Variants in PCLO observed in about 807,000 individuals in gnomAD.
PCLO encodes the protein protein piccolo.
Under a neutral mutation model 427.5 loss-of-function variants are expected in PCLO, and 82 were observed. The ratio of observed to expected loss-of-function variants is 0.19; its 90% CI spans 0.16 to 0.23. The LOEUF (loss-of-function observed/expected upper bound fraction) is 0.23, where lower values mean the gene tolerates loss of function less well. Ranked by LOEUF, PCLO falls within the 10% of genes least tolerant of loss-of-function variation. The probability of loss-of-function intolerance (pLI) is 1.00; values close to 1 mark genes in which losing one functional copy is unlikely to be tolerated. For synonymous variants in PCLO, 2,357 were observed against 2,155.4 expected (o/e 1.09, Z -2.59); for missense variants, 6,239 against 6,115.9 (o/e 1.02, Z -0.67).
At chr7:83,118,915 A>G (rs538511196) in intron 3 of PCLO, among the ~76,000 whole-genome samples, 1 of 152,124 alleles carries the variant, frequency 6.6e-6, no homozygotes, top group Non-Finnish European at 1.5e-5. Flanking sequence ...CTCTTTCCCA[A>G]CTCTAAGCAG....
intron 3 of PCLO, among the ~76,000 whole-genome samples, chr7:83,022,352 A>C (rs1290767355): frequency 1.3e-5 from 2 of 152,244 alleles, no homozygotes; most frequent in African/African-American, 4.8e-5. Flanking sequence ...GAACTAAAAC[A>C]GTATATAAAA....
intron 9 of PCLO, 76 bp from the exon 10 acceptor site, chr7:82,879,538 A>C (rs1793452298): frequency 8.9e-7 from 1 of 1,126,548 alleles, no homozygotes; most frequent in Non-Finnish European, 1.3e-6. Flanking sequence ...CAGAGAGCAC[A>C]AAAAGTAGGT....
intron 3 of PCLO, among the ~76,000 whole-genome samples, chr7:83,031,911 C>T (rs184395619): frequency 6.6e-6 from 1 of 152,206 alleles, no homozygotes; most frequent in Non-Finnish European, 1.5e-5. Flanking sequence ...TTTACTTAAA[C>T]CCTTTTCAGG....
intron 3 of PCLO, among the ~76,000 whole-genome samples, chr7:83,052,008 G>T (rs1035877200): frequency 3.9e-5 from 6 of 151,906 alleles, no homozygotes; most frequent in Admixed American, 3.9e-4. Context: ...TCTAGACTTA[G>T]ATCTTACACC....
chr7:82,825,425 G>A (rs1791910504), intron 18 of PCLO, among the ~76,000 whole-genome samples: 1 of 151,950 alleles, frequency 6.6e-6, no homozygotes, highest in East Asian at 1.9e-4. Context: ...GGAACTGGAA[G>A]GTAAGGGTCA....
intron 3 of PCLO, among the ~76,000 whole-genome samples, chr7:83,007,703 C>T (rs1787982958): frequency 6.6e-6 from 1 of 151,480 alleles, no homozygotes. Flanking sequence ...TAGAGTCAGA[C>T]TGCCTGGGTT....
chr7:82,858,586 TAAAC>T (rs992864710), intron 10 of PCLO, among the ~76,000 whole-genome samples: 6 of 152,102 alleles, frequency 3.9e-5, no homozygotes, highest in African/African-American at 1.4e-4. Context: ...TTATAATTAA[TAAAC>T]AAATTCAGTA....
chr7:83,035,190 T>C (rs1692133160), intron 3 of PCLO, among the ~76,000 whole-genome samples: 1 of 152,266 alleles, frequency 6.6e-6, no homozygotes, highest in Non-Finnish European at 1.5e-5. Flanking sequence ...TTCCTATAAA[T>C]TGGTTCCAAT....
At chr7:83,105,934 G>A (rs1249440977) in intron 3 of PCLO, among the ~76,000 whole-genome samples, 1 of 123,408 alleles carries the variant, frequency 8.1e-6, no homozygotes, top group Non-Finnish European at 1.7e-5. Flanking sequence ...CTGACAAATG[G>A]GCAAGAAAGG....
At chr7:83,095,186 G>A (rs990603981) in intron 3 of PCLO, among the ~76,000 whole-genome samples, 7 of 151,932 alleles carry the variant, frequency 4.6e-5, no homozygotes, top group African/African-American at 7.3e-5. Context: ...TGTGAATTAC[G>A]GGAGTTTGTG....
At chr7:82,989,831 T>C (rs1053029041) in intron 3 of PCLO, among the ~76,000 whole-genome samples, 2 of 152,156 alleles carry the variant, frequency 1.3e-5, no homozygotes, top group Non-Finnish European at 2.9e-5. Flanking sequence ...AGAGTTATAC[T>C]ATGGTCCAAA....
intron 2 of PCLO, among the ~76,000 whole-genome samples, chr7:83,146,012 C>T (rs10081314): frequency 0.75 from 113,577 of 152,016 alleles, 42,950 homozygotes; most frequent in East Asian, 0.99. Flanking sequence ...ATCTCTTTAC[C>T]CATCTTTAAA....
chr7:82,894,703 G>A (rs566232339), intron 9 of PCLO, among the ~76,000 whole-genome samples: 1 of 152,016 alleles, frequency 6.6e-6, no homozygotes, highest in Non-Finnish European at 1.5e-5. Context: ...TCCATCCCCA[G>A]CTAAGTTGTC....
intron 22 of PCLO, among the ~76,000 whole-genome samples, chr7:82,768,284 C>A (rs62466885): frequency 0.064 from 9,646 of 151,766 alleles, 710 homozygotes; most frequent in African/African-American, 0.18. Flanking sequence ...TTAGCCAGGC[C>A]TGGTGGCGTG....
intron 3 of PCLO, among the ~76,000 whole-genome samples, chr7:83,011,176 T>G (rs1037175877): frequency 6.6e-6 from 1 of 152,214 alleles, no homozygotes; most frequent in Admixed American, 6.6e-5. Context: ...GAAAAACTTT[T>G]ATTTACCTTG....
intron 4 of PCLO, among the ~76,000 whole-genome samples, chr7:82,958,618 T>A (rs1194474750): frequency 6.6e-6 from 1 of 152,168 alleles, no homozygotes; most frequent in Non-Finnish European, 1.5e-5. Flanking sequence ...GTGCAAAAAC[T>A]AATGCCTACT....
At chr7:83,065,428 G>A (rs1279531651) in intron 3 of PCLO, among the ~76,000 whole-genome samples, 1 of 150,366 alleles carries the variant, frequency 6.7e-6, no homozygotes, top group Non-Finnish European at 1.5e-5. Flanking sequence ...CAATTTTGTG[G>A]GGGAGTTTTT....
At chr7:83,050,423 A>G (rs957405483) in intron 3 of PCLO, among the ~76,000 whole-genome samples, 3 of 151,652 alleles carry the variant, frequency 2.0e-5, no homozygotes. Context: ...TTCAAACACC[A>G]CACTCTACTT....
chr7:83,035,016 T>G (rs1788759322), intron 3 of PCLO, among the ~76,000 whole-genome samples: 1 of 152,230 alleles, frequency 6.6e-6, no homozygotes, highest in Non-Finnish European at 1.5e-5. Flanking sequence ...TGTGTATTTC[T>G]GTTTCTTCAA....
Sources: gnomAD v4.1 joint callset for allele counts (sites outside exome capture counted in the v4.1 genomes callset) on GRCh38, gnomAD v4.1.1 for gene constraint, MANE v1.5 for transcripts, NCBI Gene and HGNC (gene_info 2026-07-23, HGNC 2026-07-21) for gene names.